RPTOR: variants seen among roughly 807,000 people sequenced by gnomAD.
The protein encoded by RPTOR is regulatory-associated protein of mTOR.
A neutral mutation model predicts 169.9 loss-of-function variants in RPTOR; 21 were observed. That is an observed-to-expected ratio of 0.12 (90% CI 0.09 to 0.18). The LOEUF (loss-of-function observed/expected upper bound fraction) is 0.18, where lower values mean the gene tolerates loss of function less well. RPTOR is among the 10% of genes least tolerant of loss of function. The probability of loss-of-function intolerance (pLI) is 1.00; values close to 1 mark genes in which losing one functional copy is unlikely to be tolerated. For missense variants in RPTOR, 1,133 were observed against 1,855.9 expected, an observed-to-expected ratio of 0.61 and a Z score of 7.16; for synonymous variants, 732 against 753.2, an observed-to-expected ratio of 0.97 and a Z score of 0.46.
intron 25 of RPTOR, among the ~76,000 whole-genome samples, chr17:80,940,873 C>A (rs375571015): frequency 9.8e-5 from 15 of 152,302 alleles, no homozygotes; most frequent in African/African-American, 2.9e-4. Context: ...AGAGGGCTCT[C>A]CCGGGACCCT....
intron 1 of RPTOR, among the ~76,000 whole-genome samples, chr17:80,575,618 C>T (rs934212489): frequency 6.6e-6 from 1 of 152,150 alleles, no homozygotes; most frequent in Non-Finnish European, 1.5e-5. Context: ...CTGCTCTGTC[C>T]CTTATAGGCC....
At chr17:80,800,513 A>G (rs1271608521) in intron 7 of RPTOR, among the ~76,000 whole-genome samples, 1 of 152,184 alleles carries the variant, frequency 6.6e-6, no homozygotes, top group Non-Finnish European at 1.5e-5. Context: ...TAGGAGAGGA[A>G]TCTGTTTTCT....
At chr17:80,735,723 G>A (rs955483899) in intron 5 of RPTOR, among the ~76,000 whole-genome samples, 3 of 152,056 alleles carry the variant, frequency 2.0e-5, no homozygotes. Flanking sequence ...GGGACAGCAC[G>A]GGCTCCACTG....
chr17:80,754,313 C>T lies in RPTOR; in HGVS notation c.830+128C>T. On this transcript the variant is annotated intron_variant, in intron 6 of 33. Transcript: ENST00000306801. The surrounding 1 kb of genome is among the most constrained non-coding windows in gnomAD (Gnocchi z 4.2). ...ACGTGACAGACATGAGTGTCCCCGC[C>T]TTCTTTTTGTGTCATTCGGGATTCC... The T allele has an allele frequency of 1.1e-6, 1 of 918,694 alleles. No homozygotes were observed. Among genetic ancestry groups the T allele is most frequent in the South Asian group, 1.7e-5 (1 of 57,382 alleles). 56.9% of individuals were successfully genotyped at this position (918,694 alleles called of 1,614,324 possible). A position where few individuals can be genotyped will look rare whatever the true frequency, so the allele number is the denominator to read the frequency against.
intron 2 of RPTOR, among the ~76,000 whole-genome samples, chr17:80,628,370 T>G (rs1308934787): frequency 3.9e-5 from 6 of 152,222 alleles, no homozygotes; most frequent in African/African-American, 1.4e-4. Flanking sequence ...GATTTCTGTT[T>G]GGAAAATTCT....
At chr17:80,874,702 G>A (rs2068087378) in intron 13 of RPTOR, among the ~76,000 whole-genome samples, 1 of 152,070 alleles carries the variant, frequency 6.6e-6, no homozygotes, top group African/African-American at 2.4e-5. Context: ...CCAGGCATTA[G>A]CAGTTTTATT....
intron 6 of RPTOR, among the ~76,000 whole-genome samples, chr17:80,763,392 GA>G (rs1176018928): frequency 6.6e-6 from 1 of 152,352 alleles, no homozygotes; most frequent in Non-Finnish European, 1.5e-5. Flanking sequence ...AAATTATTGA[GA>G]GGGGCAAAGA....
At chr17:80,963,868 G>C (rs960522104) in intron 33 of RPTOR, among the ~76,000 whole-genome samples, 1 of 145,128 alleles carries the variant, frequency 6.9e-6, no homozygotes. Context: ...CCACCTGCAC[G>C]GCTCTCTGGC....
intron 28 of RPTOR, among the ~76,000 whole-genome samples, chr17:80,954,023 G>C (rs906763401): frequency 7.9e-5 from 12 of 152,190 alleles, no homozygotes; most frequent in Admixed American, 1.3e-4. Context: ...TTTTGAGATG[G>C]GGTCTTGCTC....
intron 10 of RPTOR, among the ~76,000 whole-genome samples, chr17:80,838,747 C>T (rs1686278582): frequency 6.6e-6 from 1 of 152,170 alleles, no homozygotes; most frequent in African/African-American, 2.4e-5. Context: ...GACCAGCATC[C>T]CCGCCTCCCG....
chr17:80,608,680 C>T (rs1033906361), intron 1 of RPTOR, among the ~76,000 whole-genome samples: 5 of 152,172 alleles, frequency 3.3e-5, no homozygotes, highest in African/African-American at 1.2e-4. Flanking sequence ...AGGGCCACTG[C>T]CGCCTGCTGA....
intron 8 of RPTOR, 73 bp downstream of exon 8, chr17:80,822,374 A>T: frequency 7.0e-7 from 1 of 1,427,340 alleles, no homozygotes; most frequent in South Asian, 1.1e-5. Context: ...CTCGGACATG[A>T]GAGGAGTCAG....
chr17:80,916,913 A>G (rs1035404358), intron 21 of RPTOR, among the ~76,000 whole-genome samples: 9 of 152,112 alleles, frequency 5.9e-5, no homozygotes, highest in Non-Finnish European at 7.4e-5. Context: ...GCTCGAACCC[A>G]GGAGACGGAG....
At chr17:80,756,172 A>C (rs1393921429) in intron 6 of RPTOR, among the ~76,000 whole-genome samples, 1 of 148,274 alleles carries the variant, frequency 6.7e-6, no homozygotes, top group Non-Finnish European at 1.5e-5. Flanking sequence ...TGTCACTGTC[A>C]CAGGGGTAGG....
At chr17:80,738,687 C>T (rs2066455413) in intron 5 of RPTOR, among the ~76,000 whole-genome samples, 2 of 152,202 alleles carry the variant, frequency 1.3e-5, no homozygotes, top group South Asian at 2.1e-4. Flanking sequence ...CTCTCTTCTA[C>T]TGTCATAAGC....
intron 1 of RPTOR, among the ~76,000 whole-genome samples, chr17:80,585,729 T>C (rs926477451): frequency 6.6e-6 from 1 of 152,210 alleles, no homozygotes; most frequent in Non-Finnish European, 1.5e-5. Context: ...CACTTATATA[T>C]AGATTAGATT....
intron 20 of RPTOR, among the ~76,000 whole-genome samples, chr17:80,905,105 C>T (rs1482995963): frequency 1.3e-5 from 2 of 152,174 alleles, no homozygotes; most frequent in African/African-American, 2.4e-5. Context: ...CATCCCCCAT[C>T]GTGCTTGCAT....
chr17:80,742,733 C>T (rs1425506690), intron 5 of RPTOR, among the ~76,000 whole-genome samples: 3 of 151,980 alleles, frequency 2.0e-5, no homozygotes, highest in East Asian at 3.9e-4. Context: ...CATACACATG[C>T]ATGTGCGCAC....
chr17:80,709,173 C>A, intron 4 of RPTOR: 2 of 724,636 alleles, frequency 2.8e-6, no homozygotes, highest in Non-Finnish European at 3.4e-6. Flanking sequence ...CCGTGTGTAT[C>A]TGGATACCAG....
Sources: gnomAD v4.1 joint callset for allele counts (sites outside exome capture counted in the v4.1 genomes callset) on GRCh38, gnomAD v4.1.1 for gene constraint, Gnocchi (gnomAD v3.1) non-coding constraint, MANE v1.5 for transcripts, NCBI Gene and HGNC (gene_info 2026-07-23, HGNC 2026-07-21) for gene names.